Variants in CYSTM1 observed in about 807,000 individuals in gnomAD.
CYSTM1 encodes the protein cysteine-rich transmembrane module-containing protein 1.
Under a neutral mutation model 13.1 loss-of-function variants are expected in CYSTM1, and 4 were observed. That is an observed-to-expected ratio of 0.31 (90% CI 0.15 to 0.70). CYSTM1 has a LOEUF of 0.70. CYSTM1 is among the 30% of genes least tolerant of loss of function. CYSTM1 has a pLI of 0.72. For missense variants in CYSTM1, 96 were observed against 121.6 expected (o/e 0.79, Z 0.99); for synonymous variants, 36 against 42.7 (o/e 0.84, Z 0.62).
At chr5:140,192,505 G>A (rs72798810) in intron 1 of CYSTM1, among the ~76,000 whole-genome samples, 1 of 152,288 alleles carries the variant, frequency 6.6e-6, no homozygotes, top group Non-Finnish European at 1.5e-5. Flanking sequence ...AAGTCATCTG[G>A]AATCCCATTT....
At chr5:140,214,893 G>T (rs968945209) in intron 2 of CYSTM1, among the ~76,000 whole-genome samples, 1 of 152,212 alleles carries the variant, frequency 6.6e-6, no homozygotes, top group Non-Finnish European at 1.5e-5. Context: ...GGGACCATCC[G>T]AGGTGACACG....
chr5:140,228,526 T>C (rs1268581151), intron 2 of CYSTM1, among the ~76,000 whole-genome samples: 1 of 152,188 alleles, frequency 6.6e-6, no homozygotes, highest in East Asian at 1.9e-4. Flanking sequence ...TGATAGCTGC[T>C]GAGTACCTGA....
At chr5:140,220,598 A>G (rs993570689) in intron 2 of CYSTM1, among the ~76,000 whole-genome samples, 1 of 152,066 alleles carries the variant, frequency 6.6e-6, no homozygotes, top group African/African-American at 2.4e-5. Flanking sequence ...GTCAGGGATG[A>G]TGTCTCTTGT....
At chr5:140,191,218 C>A (rs1381071953) in intron 1 of CYSTM1, among the ~76,000 whole-genome samples, 1 of 152,074 alleles carries the variant, frequency 6.6e-6, no homozygotes, top group Non-Finnish European at 1.5e-5. Flanking sequence ...GAAAATAGAT[C>A]CAGATTTTTA....
chr5:140,242,544 C>T (rs1764763444), intron 2 of CYSTM1, among the ~76,000 whole-genome samples: 1 of 152,126 alleles, frequency 6.6e-6, no homozygotes, highest in South Asian at 2.1e-4. Flanking sequence ...TAAAATATGT[C>T]CTTATGGGAA....
intron 1 of CYSTM1, among the ~76,000 whole-genome samples, chr5:140,187,132 C>G (rs1212543145): frequency 6.6e-6 from 1 of 150,600 alleles, no homozygotes; most frequent in Non-Finnish European, 1.5e-5. Context: ...TCTCAAAAAA[C>G]AAACAAACAA....
intron 1 of CYSTM1, among the ~76,000 whole-genome samples, chr5:140,176,534 T>C (rs1332102390): frequency 6.6e-6 from 1 of 152,152 alleles, no homozygotes; most frequent in African/African-American, 2.4e-5. Flanking sequence ...TAATGACTGG[T>C]TGGGAGCTAT....
chr5:140,194,406 C>A, intron 1 of CYSTM1, 40 bp from the exon 2 acceptor site: 1 of 1,484,884 alleles, frequency 6.7e-7, no homozygotes, highest in South Asian at 1.3e-5. Context: ...ATGATTTCCA[C>A]AGTTAAATGC....
At chr5:140,191,807 G>A (rs1029849602) in intron 1 of CYSTM1, among the ~76,000 whole-genome samples, 3 of 152,130 alleles carry the variant, frequency 2.0e-5, no homozygotes, top group African/African-American at 4.8e-5. Context: ...AATAAATAAT[G>A]GAATGGCCAT....
rs181217205 is a variant in CYSTM1, at chr5:140,211,634, G to A, written c.187+16982G>A. Among the ~76,000 whole-genome samples the A allele has an allele frequency of 1.6e-3, 247 of 152,204 alleles. 1 individual carries two copies. The highest frequency in any genetic ancestry group is 3.9e-3 in the African/African-American group (162 of 41,542). On this transcript the variant is annotated intron_variant, in intron 2 of 2. Transcript: ENST00000261811. ...CTCTTCCCTTTTCCCCTGGAACCTCGTACAGCAAATACCTGTTAAATCCCT... is the reference window on the plus strand; with the variant it reads ...CTCTTCCCTTTTCCCCTGGAACCTCATACAGCAAATACCTGTTAAATCCCT...
chr5:140,178,942 T>TG (rs1763925749), intron 1 of CYSTM1, among the ~76,000 whole-genome samples: 1 of 151,868 alleles, frequency 6.6e-6, no homozygotes, highest in Non-Finnish European at 1.5e-5. Flanking sequence ...TGTTTTTTCC[T>TG]GGGGTTTTAT....
chr5:140,205,725 C>T lies in CYSTM1; in HGVS notation c.187+11073C>T, dbSNP rs186764820. Reference sequence around the variant, plus strand: ...GAGCAGTGAGGAAGTTAGTACCCTCCCCTGGCCCACACAAATTTTCTGAAT... The same window carrying T: ...GAGCAGTGAGGAAGTTAGTACCCTCTCCTGGCCCACACAAATTTTCTGAAT... On this transcript the variant is annotated intron_variant, in intron 2 of 2. Coordinates refer to ENST00000261811, the MANE Select transcript of CYSTM1 (RefSeq NM_032412.4). Among the ~76,000 whole-genome samples the T allele has an allele frequency of 5.3e-4, 80 of 152,232 alleles. No individual in the cohort carries two copies. The Middle Eastern group carries it at 0.021, about 39-fold the overall frequency.
chr5:140,223,608 G>C (rs556328631), intron 2 of CYSTM1, among the ~76,000 whole-genome samples: 1 of 152,328 alleles, frequency 6.6e-6, no homozygotes, highest in East Asian at 1.9e-4. Flanking sequence ...GGACAAAGGC[G>C]GGAGTTTGCC....
intron 2 of CYSTM1, among the ~76,000 whole-genome samples, chr5:140,215,177 C>T (rs565049621): frequency 4.9e-4 from 74 of 152,332 alleles, no homozygotes; most frequent in Non-Finnish European, 7.8e-4. Flanking sequence ...CTCAGGAGAA[C>T]TGTCTATACT....
At chr5:140,190,475 A>G (rs185752269) in intron 1 of CYSTM1, among the ~76,000 whole-genome samples, 112 of 152,238 alleles carry the variant, frequency 7.4e-4, no homozygotes, top group African/African-American at 2.5e-3. Flanking sequence ...TGTCTCCCCA[A>G]TTATTAGTAT....
chr5:140,209,672 C>T (rs1259300438), intron 2 of CYSTM1, among the ~76,000 whole-genome samples: 1 of 152,176 alleles, frequency 6.6e-6, no homozygotes, highest in Non-Finnish European at 1.5e-5. Flanking sequence ...TTGTGATTCA[C>T]CTGCCTTGCC....
In CYSTM1 at chr5:140,239,789, T is replaced by C. The variant is rs778404942; in HGVS notation, c.188-3516T>C. On this transcript the variant is annotated intron_variant, in intron 2 of 2. Transcript: ENST00000261811. This position sits in a 1 kb window ranked among gnomAD's most constrained non-coding sequence, Gnocchi z 5.4. ...AGACTGGGGCTGAGAATACTGAGGG[T>C]TGATTCAAAGGGCTGACTGCGGGCA... is the stretch of plus-strand genomic sequence containing the variant. Among the ~76,000 whole-genome samples, 1 of 152,104 alleles carries C rather than the reference T, an allele frequency of 6.6e-6. No homozygotes were observed. Among genetic ancestry groups the C allele is most frequent in the Admixed American group, 6.5e-5 (1 of 15,282 alleles).
chr5:140,187,294 TG>T (rs1764029309), intron 1 of CYSTM1, among the ~76,000 whole-genome samples: 1 of 146,230 alleles, frequency 6.8e-6, no homozygotes, highest in South Asian at 2.1e-4. Flanking sequence ...AAACAGCTAA[TG>T]GGGAGTTAAA....
rs1764127303 is a variant in CYSTM1, at chr5:140,194,426, T to C, written c.-20-20T>C. On this transcript the variant is annotated intron_variant, in intron 1 of 2. Transcript: ENST00000261811. Reference sequence around the variant, plus strand: ...TTCCACAGTTAAATGCAAATAATTTTCATTCTTTTTGTCTCTTAGGTGCAC... The same window carrying C: ...TTCCACAGTTAAATGCAAATAATTTCCATTCTTTTTGTCTCTTAGGTGCAC... The C allele has an allele frequency of 2.0e-6, 3 of 1,524,384 alleles. No individual in the cohort carries two copies. Among genetic ancestry groups the C allele is most frequent in the Non-Finnish European group, 2.6e-6 (3 of 1,139,428 alleles). The allele number at this position is 1,524,384 out of a possible 1,614,324, so 94.4% of individuals were successfully genotyped here.
Sources: gnomAD v4.1 joint callset for allele counts (sites outside exome capture counted in the v4.1 genomes callset) on GRCh38, gnomAD v4.1.1 for gene constraint, Gnocchi (gnomAD v3.1) non-coding constraint, MANE v1.5 for transcripts, NCBI Gene and HGNC (gene_info 2026-07-23, HGNC 2026-07-21) for gene names.